Variants in GALNT10 observed in about 807,000 individuals in gnomAD.
The protein encoded by GALNT10 is GalNAc transferase 10.
In GALNT10, 41 loss-of-function variants were observed where a neutral mutation model predicts 75.0. That is an observed-to-expected ratio of 0.55 (90% CI 0.43 to 0.71). The LOEUF (loss-of-function observed/expected upper bound fraction) is 0.71, where lower values mean the gene tolerates loss of function less well. Among genes scored for constraint, GALNT10 ranks in the 30% least tolerant of loss-of-function variants. GALNT10 has a pLI of 0.00. For missense variants in GALNT10, 727 were observed against 818.5 expected (o/e 0.89, Z 1.36); for synonymous variants, 302 against 313.0 (o/e 0.96, Z 0.37).
intron 4 of GALNT10, among the ~76,000 whole-genome samples, chr5:154,349,216 C>T (rs1334358148): frequency 2.0e-5 from 3 of 152,092 alleles, no homozygotes; most frequent in Non-Finnish European, 4.4e-5. Context: ...AGCACTGAGG[C>T]AGGATGGTCT....
chr5:154,378,145 CTGTCCCTGCTAA>C (rs1161990183), intron 5 of GALNT10, among the ~76,000 whole-genome samples: 1 of 152,330 alleles, frequency 6.6e-6, no homozygotes, highest in Non-Finnish European at 1.5e-5. Flanking sequence ...ATTTAAAAGT[CTGTCCCTGCTAA>C]TGTCAGCAGC....
At chr5:154,204,184 T>C (rs921544583) in intron 1 of GALNT10, among the ~76,000 whole-genome samples, 1 of 152,196 alleles carries the variant, frequency 6.6e-6, no homozygotes, top group South Asian at 2.1e-4. Flanking sequence ...TCCTCTCCTA[T>C]GTAAGCTGTG....
intron 1 of GALNT10, 113 bp from the exon 2 acceptor site, chr5:154,294,703 C>G (rs1371142556): frequency 1.7e-6 from 1 of 584,120 alleles, no homozygotes; most frequent in Non-Finnish European, 3.1e-6. Context: ...GATAAAGGAA[C>G]CCAGGATGAC....
chr5:154,307,199 C>T (rs959686296), intron 3 of GALNT10, among the ~76,000 whole-genome samples: 4 of 152,180 alleles, frequency 2.6e-5, no homozygotes, highest in Non-Finnish European at 5.9e-5. Context: ...TAAGGAGAAA[C>T]GATCAACCTG....
intron 1 of GALNT10, among the ~76,000 whole-genome samples, chr5:154,275,197 T>C (rs1476129581): frequency 6.6e-6 from 1 of 152,212 alleles, no homozygotes; most frequent in Non-Finnish European, 1.5e-5. Flanking sequence ...CCAGGAATTC[T>C]AAAAAGCACG....
At chr5:154,308,338 C>T (rs1212400033) in intron 3 of GALNT10, among the ~76,000 whole-genome samples, 2 of 152,008 alleles carry the variant, frequency 1.3e-5, no homozygotes, top group Non-Finnish European at 2.9e-5. Flanking sequence ...TATTCAGGGA[C>T]CACCCACTTG....
At chr5:154,334,910 T>C (rs1226071886) in intron 4 of GALNT10, among the ~76,000 whole-genome samples, 1 of 152,194 alleles carries the variant, frequency 6.6e-6, no homozygotes, top group African/African-American at 2.4e-5. Context: ...CATAACGGGC[T>C]TATTAACTCT....
At chr5:154,331,448 A>T (rs1281108214) in intron 4 of GALNT10, among the ~76,000 whole-genome samples, 2 of 152,104 alleles carry the variant, frequency 1.3e-5, no homozygotes, top group East Asian at 3.9e-4. Flanking sequence ...TGTGACCTTG[A>T]CCCAGTCACT....
At chr5:154,403,938 C>T in intron 7 of GALNT10, 166 bp from the exon 8 acceptor site, 1 of 689,004 alleles carries the variant, frequency 1.5e-6, no homozygotes, top group Non-Finnish European at 2.7e-6. Flanking sequence ...GTTTTTACCG[C>T]TGTTATTATA....
intron 4 of GALNT10, among the ~76,000 whole-genome samples, chr5:154,348,767 G>A (rs748239077): frequency 1.2e-4 from 19 of 152,162 alleles, no homozygotes; most frequent in Non-Finnish European, 2.4e-4. Context: ...ACCCTATGAT[G>A]ACTTTCTTCA....
intron 3 of GALNT10, among the ~76,000 whole-genome samples, chr5:154,301,721 C>T (rs1311002269): frequency 6.6e-6 from 1 of 152,126 alleles, no homozygotes; most frequent in Non-Finnish European, 1.5e-5. Context: ...AACTATATTT[C>T]AGTCTAATTG....
chr5:154,219,834 T>TCACAGACACACACACACA (rs763537693), intron 1 of GALNT10, among the ~76,000 whole-genome samples: 1 of 129,606 alleles, frequency 7.7e-6, no homozygotes. Context: ...TCTCTCTCTC[T>TCACAGACACACACACACA]CTCTCACACA....
At chr5:154,239,549 C>T (rs1357276349) in intron 1 of GALNT10, among the ~76,000 whole-genome samples, 1 of 152,216 alleles carries the variant, frequency 6.6e-6, no homozygotes. Context: ...ATGTAATGCA[C>T]TCCCCTCACC....
At chr5:154,290,641 G>A (rs1188413252) in intron 1 of GALNT10, among the ~76,000 whole-genome samples, 1 of 152,192 alleles carries the variant, frequency 6.6e-6, no homozygotes, top group Non-Finnish European at 1.5e-5. Context: ...CCGTTCATCT[G>A]AAAGTACCTT....
chr5:154,369,502 G>T (rs1245275860), intron 4 of GALNT10, among the ~76,000 whole-genome samples: 1 of 152,176 alleles, frequency 6.6e-6, no homozygotes, highest in Non-Finnish European at 1.5e-5. Flanking sequence ...TGATAAAGGT[G>T]AGGGCCCACC....
intron 1 of GALNT10, chr5:154,218,119 G>A: frequency 1.0e-6 from 1 of 985,346 alleles, no homozygotes; most frequent in Non-Finnish European, 1.2e-6. Context: ...CAGATGCACA[G>A]CCTCTGCCTT....
intron 1 of GALNT10, among the ~76,000 whole-genome samples, chr5:154,223,128 G>C (rs1389151276): frequency 6.6e-6 from 1 of 152,226 alleles, no homozygotes; most frequent in Non-Finnish European, 1.5e-5. Context: ...TGCTAGAAGA[G>C]ATGGAAGGAA....
At chr5:154,294,965 T>C (rs376151008) in intron 2 of GALNT10, 47 bp downstream of exon 2, 48 of 871,312 alleles carry the variant, frequency 5.5e-5, no homozygotes, top group Admixed American at 1.2e-4. Context: ...GAAGGGCATA[T>C]GCACATATGC....
intron 5 of GALNT10, among the ~76,000 whole-genome samples, chr5:154,377,531 C>G (rs1755672095): frequency 2.0e-5 from 3 of 152,192 alleles, no homozygotes; most frequent in Non-Finnish European, 2.9e-5. Flanking sequence ...CGGGGTGGAG[C>G]CTCACAAGTT....
Sources: gnomAD v4.1 joint callset for allele counts (sites outside exome capture counted in the v4.1 genomes callset) on GRCh38, gnomAD v4.1.1 for gene constraint, MANE v1.5 for transcripts, NCBI Gene and HGNC (gene_info 2026-07-23, HGNC 2026-07-21) for gene names.